Variants in RBMS1 observed in about 807,000 individuals in gnomAD.
The protein encoded by RBMS1 is RNA binding motif single stranded interacting protein 1, also known as RNA-binding motif, single-stranded-interacting protein 1.
RBMS1 carries 17 observed loss-of-function variants against 62.3 expected under a neutral mutation model. The ratio of observed to expected loss-of-function variants is 0.27; its 90% CI spans 0.19 to 0.41. RBMS1 has a LOEUF of 0.41. Ranked by LOEUF, RBMS1 falls within the 10% of genes least tolerant of loss-of-function variation. The pLI, the probability that RBMS1 is intolerant of heterozygous loss-of-function variation, is 1.00. For synonymous variants in RBMS1, 172 were observed against 170.0 expected (o/e 1.01, Z -0.09); for missense variants, 334 against 504.5 (o/e 0.66, Z 3.24).
intron 1 of RBMS1, among the ~76,000 whole-genome samples, chr2:160,448,346 C>T (rs956602195): frequency 3.3e-5 from 5 of 150,820 alleles, no homozygotes; most frequent in East Asian, 2.0e-4. Flanking sequence ...TGATGCCGAG[C>T]GGAGGCTGGA....
intron 11 of RBMS1, chr2:160,278,246 G>A (rs1298005674): frequency 2.7e-6 from 1 of 366,922 alleles, no homozygotes; most frequent in African/African-American, 2.1e-5. Flanking sequence ...TTCGCTTCAT[G>A]ACACTGCCAC....
At position 160,493,284 on chromosome 2, in the gene RBMS1, T is replaced by C. The variant is rs1206620016; in HGVS notation, c.75+5A>G. 6.2e-7 allele frequency: 1 copy of C among 1,612,488 alleles called. No homozygotes were observed. Among genetic ancestry groups the C allele is most frequent in the Non-Finnish European group, 8.5e-7 (1 of 1,178,882 alleles). On this transcript the variant is annotated splice_donor_5th_base_variant and intron_variant, in intron 1 of 13. Transcript: ENST00000348849. ...GGCCGTCACCTCTCCCCGGCGCCCC[T>C]TTACCTTGGCTTGCAGATACTGGGG...
At chr2:160,415,747 T>C (rs1396078613) in intron 1 of RBMS1, among the ~76,000 whole-genome samples, 1 of 152,088 alleles carries the variant, frequency 6.6e-6, no homozygotes, top group East Asian at 1.9e-4. Flanking sequence ...ACAAGTAAGG[T>C]TTTAAAGCAT....
At chr2:160,290,003 G>C (rs1688598204) in intron 6 of RBMS1, among the ~76,000 whole-genome samples, 1 of 146,852 alleles carries the variant, frequency 6.8e-6, no homozygotes, top group Non-Finnish European at 1.5e-5. Flanking sequence ...TGATCTGTTA[G>C]ATTTTTGGGT....
intron 2 of RBMS1, among the ~76,000 whole-genome samples, chr2:160,365,427 A>G (rs760997604): frequency 7.2e-5 from 11 of 152,222 alleles, no homozygotes; most frequent in Non-Finnish European, 1.6e-4. Context: ...ACACGTTAAG[A>G]AAATCCATAC....
At chr2:160,342,850 A>G (rs2105996441) in intron 2 of RBMS1, among the ~76,000 whole-genome samples, 1 of 152,146 alleles carries the variant, frequency 6.6e-6, no homozygotes, top group Non-Finnish European at 1.5e-5. Context: ...AGGCAGAAGA[A>G]TCATTTGAAC....
intron 1 of RBMS1, among the ~76,000 whole-genome samples, chr2:160,398,851 C>T (rs915345216): frequency 2.2e-4 from 34 of 152,158 alleles, no homozygotes; most frequent in Admixed American, 6.5e-5. Flanking sequence ...CCCCATCCAG[C>T]CAGTCACCAG....
At position 160,412,537 on chromosome 2, in the gene RBMS1, A is replaced by G. The variant is rs551876560; in HGVS notation, c.76-45146T>C. On this transcript the variant is annotated intron_variant, in intron 1 of 13. Transcript: ENST00000348849. ...CTCTGTAACGCCGCATCTCAAAAAA[A>G]GCCTTATAGATGATGATGCTTCAAT... Among the ~76,000 whole-genome samples the G allele has an allele frequency of 7.2e-5, 11 of 152,346 alleles. No homozygotes were observed. In the South Asian group the frequency reaches 2.3e-3, roughly 32 times the overall value.
At chr2:160,461,221 C>T (rs988565795) in intron 1 of RBMS1, among the ~76,000 whole-genome samples, 2 of 150,798 alleles carry the variant, frequency 1.3e-5, no homozygotes, top group East Asian at 3.9e-4. Context: ...TGCACTTCAG[C>T]CTGGGCAACA....
intron 1 of RBMS1, among the ~76,000 whole-genome samples, chr2:160,447,873 G>A (rs1683726913): frequency 1.3e-5 from 2 of 152,218 alleles, no homozygotes; most frequent in Non-Finnish European, 2.9e-5. Flanking sequence ...CCATGGGGAA[G>A]ATGCAGCCAT....
At chr2:160,464,744 T>C (rs1009052985) in intron 1 of RBMS1, among the ~76,000 whole-genome samples, 5 of 152,232 alleles carry the variant, frequency 3.3e-5, no homozygotes, top group Admixed American at 3.3e-4. Context: ...CATTTACTTA[T>C]GCATTTGACA....
intron 1 of RBMS1, among the ~76,000 whole-genome samples, chr2:160,467,554 A>G (rs1198910061): frequency 6.6e-6 from 1 of 152,176 alleles, no homozygotes; most frequent in Non-Finnish European, 1.5e-5. Context: ...GAGCACCACA[A>G]CCATCTTCCA....
At chr2:160,346,955 A>T (rs542880506) in intron 2 of RBMS1, among the ~76,000 whole-genome samples, 1 of 152,170 alleles carries the variant, frequency 6.6e-6, no homozygotes, top group South Asian at 2.1e-4. Flanking sequence ...AATGATTATG[A>T]AAGAAACTTC....
At chr2:160,318,054 T>C in intron 3 of RBMS1, 115 bp downstream of exon 3, 5 of 1,432,004 alleles carry the variant, frequency 3.5e-6, no homozygotes, top group Non-Finnish European at 2.8e-6. Context: ...CTGGGTGATA[T>C]ATAAGATCTG....
chr2:160,453,718 G>A (rs1179143724), intron 1 of RBMS1, among the ~76,000 whole-genome samples: 1 of 152,040 alleles, frequency 6.6e-6, no homozygotes, highest in Non-Finnish European at 1.5e-5. Context: ...AAGCTCCTCA[G>A]GAAAATCACC....
intron 2 of RBMS1, among the ~76,000 whole-genome samples, chr2:160,320,887 A>T (rs1357400321): frequency 6.6e-6 from 1 of 152,112 alleles, no homozygotes; most frequent in Non-Finnish European, 1.5e-5. Flanking sequence ...GTCCTTGACA[A>T]AAGCACTTTT....
At chr2:160,308,583 C>A (rs1382377186) in intron 4 of RBMS1, among the ~76,000 whole-genome samples, 1 of 152,042 alleles carries the variant, frequency 6.6e-6, no homozygotes, top group African/African-American at 2.4e-5. Context: ...ATAATGATAT[C>A]ATAAAAAAGA....
chr2:160,315,216 A>G (rs569726180), intron 3 of RBMS1, among the ~76,000 whole-genome samples: 118 of 152,322 alleles, frequency 7.7e-4, no homozygotes, highest in Middle Eastern at 3.4e-3. Context: ...TGCCTACCAC[A>G]CTATGGCTGT....
intron 11 of RBMS1, 134 bp downstream of exon 11, chr2:160,278,414 G>T: frequency 1.4e-6 from 1 of 731,994 alleles, no homozygotes; most frequent in Non-Finnish European, 2.4e-6. Flanking sequence ...TTTATGGAAG[G>T]TCATGTGGGG....
Sources: allele counts gnomAD v4.1 joint callset (sites outside exome capture counted in the v4.1 genomes callset), GRCh38; gene constraint gnomAD v4.1.1; transcripts MANE v1.5; gene names NCBI Gene and HGNC (gene_info 2026-07-23, HGNC 2026-07-21).